TRIM49C: variants seen among roughly 807,000 people sequenced by gnomAD.
The protein encoded by TRIM49C is tripartite motif-containing protein 49C.
Under a neutral mutation model 21.4 loss-of-function variants are expected in TRIM49C, and 6 were observed. That is an observed-to-expected ratio of 0.28 (90% CI 0.15 to 0.55). The LOEUF is 0.55. Ranked by LOEUF, TRIM49C falls within the 20% of genes least tolerant of loss-of-function variation. TRIM49C has a pLI of 0.94. For missense variants in TRIM49C, 161 were observed against 442.4 expected, an observed-to-expected ratio of 0.36 and a Z score of 5.71; for synonymous variants, 57 against 148.1, an observed-to-expected ratio of 0.38 and a Z score of 4.47.
the TRIM49C span, among the ~76,000 whole-genome samples, chr11:90,070,500 A>G: frequency 1.6e-3 from 212 of 133,994 alleles, 21 homozygotes; most frequent in African/African-American, 5.5e-3. Context: ...AATCTGTAGC[A>G]TGGGTTTCCA....
At chr11:90,039,570 AG>A (rs1438630292) in intron 6 of TRIM49C, among the ~76,000 whole-genome samples, 1 of 132,304 alleles carries the variant, frequency 7.6e-6, no homozygotes. Flanking sequence ...GAGTCTGCCA[AG>A]AAGTGGAACT....
intron 4 of TRIM49C, among the ~76,000 whole-genome samples, chr11:90,036,929 T>C (rs1950731796): frequency 7.4e-6 from 1 of 134,458 alleles, no homozygotes; most frequent in Non-Finnish European, 1.6e-5. Flanking sequence ...GAGTTTTAAA[T>C]AGGGTGGTCA....
At chr11:90,065,650 G>C in the TRIM49C span, among the ~76,000 whole-genome samples, 3 of 140,854 alleles carry the variant, frequency 2.1e-5, no homozygotes, top group African/African-American at 7.6e-5. Flanking sequence ...ACTTAACACA[G>C]TTTATTCAAA....
intron 4 of TRIM49C, among the ~76,000 whole-genome samples, chr11:90,037,237 G>T (rs2134817901): frequency 7.5e-6 from 1 of 134,194 alleles, no homozygotes; most frequent in South Asian, 2.6e-4. Flanking sequence ...CTTAGAAAAA[G>T]AATAGAAGGA....
the TRIM49C span, among the ~76,000 whole-genome samples, chr11:90,067,418 CA>C: frequency 6.8e-6 from 1 of 147,376 alleles, no homozygotes. Flanking sequence ...TATAAAATAT[CA>C]ATAAGCATGG....
At chr11:90,057,374 C>CA in the TRIM49C span, among the ~76,000 whole-genome samples, 15 of 87,790 alleles carry the variant, frequency 1.7e-4, no homozygotes, top group Admixed American at 1.1e-3. Context: ...AAAACTTGTA[C>CA]AAAAAAAGCC....
the TRIM49C span, among the ~76,000 whole-genome samples, chr11:90,070,474 T>C: frequency 1.5e-5 from 2 of 134,980 alleles, 1 homozygote; most frequent in Non-Finnish European, 3.1e-5. Context: ...GCACGAGGTC[T>C]GAGTTGCTTC....
At chr11:90,045,184 T>C (rs518279), downstream of TRIM49C, among the ~76,000 whole-genome samples, 28,965 of 133,630 alleles carry the variant, frequency 0.22, 6,000 homozygotes, top group African/African-American at 0.34. Context: ...TGTAGCCTTG[T>C]AGTATAGTTT....
the TRIM49C span, chr11:90,072,769 A>G: frequency 2.2e-5 from 7 of 317,556 alleles, 1 homozygote; most frequent in East Asian, 4.6e-4. Flanking sequence ...AGATATCCTA[A>G]CACCCTTTGA....
At chr11:90,069,480 T>C in the TRIM49C span, among the ~76,000 whole-genome samples, 3 of 132,150 alleles carry the variant, frequency 2.3e-5, no homozygotes, top group African/African-American at 8.6e-5. Context: ...GGCAGATACC[T>C]AAAGGAGGCT....
the TRIM49C span, chr11:90,062,193 G>A: frequency 2.8e-5 from 12 of 426,996 alleles, no homozygotes; most frequent in Admixed American, 1.4e-4. Context: ...CAAGTTAAAC[G>A]AATATGATTC....
chr11:90,072,228 T>C, the TRIM49C span, among the ~76,000 whole-genome samples: 1 of 142,938 alleles, frequency 7.0e-6, no homozygotes, highest in Non-Finnish European at 1.5e-5. Flanking sequence ...ACGTGCATTT[T>C]AATCAACTAA....
the TRIM49C span, among the ~76,000 whole-genome samples, chr11:90,061,609 AGT>A: frequency 2.1e-5 from 2 of 94,584 alleles, 1 homozygote; most frequent in Non-Finnish European, 3.8e-5. Flanking sequence ...CATATTATGC[AGT>A]TTTTTTTTAC....
At chr11:90,065,811 C>T in the TRIM49C span, among the ~76,000 whole-genome samples, 3 of 137,136 alleles carry the variant, frequency 2.2e-5, no homozygotes, top group South Asian at 7.7e-4. Context: ...AAAAAATTAA[C>T]CGAGTTCGGC....
the TRIM49C span, among the ~76,000 whole-genome samples, chr11:90,068,625 C>T: frequency 6.3e-5 from 9 of 142,504 alleles, 1 homozygote; most frequent in South Asian, 4.7e-4. Flanking sequence ...ACAAATGAGA[C>T]GGATTTTCTT....
the TRIM49C span, among the ~76,000 whole-genome samples, chr11:90,065,839 C>T: frequency 1.5e-5 from 2 of 136,122 alleles, no homozygotes; most frequent in African/African-American, 2.6e-5. Flanking sequence ...ACTTGTAATC[C>T]TAGCTACTTG....
Position 90,033,945 on chromosome 11 carries a change from C to CA in TRIM49C, c.-4-1252dup, listed in dbSNP as rs1168016150. Among the ~76,000 whole-genome samples the CA allele has an allele frequency of 2.4e-3, 165 of 70,086 alleles. 9 individuals carry two copies. The highest frequency in any genetic ancestry group is 4.6e-3 in the Admixed American group (25 of 5,402). The allele number at this position is 70,086 out of a possible 152,430, so 46.0% of individuals were successfully genotyped here. ...TGCGTGACAGAAGGATACTCTGTCT[C>CA]AAAAAAAAAAACAAAAAAAAAAACT... On this transcript the variant is annotated intron_variant, in intron 2 of 7. Transcript: ENST00000448984.
chr11:90,042,557 T>A (rs1248746606), downstream of TRIM49C, among the ~76,000 whole-genome samples: 3 of 122,008 alleles, frequency 2.5e-5, no homozygotes, highest in Non-Finnish European at 5.1e-5. Context: ...CTTTCATTAG[T>A]CTTACAAAAG....
downstream of TRIM49C, among the ~76,000 whole-genome samples, chr11:90,043,789 T>A (rs1409850627): frequency 1.7e-5 from 2 of 120,492 alleles, 1 homozygote; most frequent in Non-Finnish European, 3.4e-5. Flanking sequence ...TGATTTTTTT[T>A]TATTATACTT....
Sources: gnomAD v4.1 joint callset for allele counts (sites outside exome capture counted in the v4.1 genomes callset) on GRCh38, gnomAD v4.1.1 for gene constraint, MANE v1.5 for transcripts, NCBI Gene and HGNC (gene_info 2026-07-23, HGNC 2026-07-21) for gene names.